Variants in USP32 observed in about 807,000 individuals in gnomAD.
The protein encoded by USP32 is ubiquitin carboxyl-terminal hydrolase 32.
In USP32, 59 loss-of-function variants were observed where a neutral mutation model predicts 204.8. The observed-to-expected ratio is 0.29, with a 90% CI of 0.23 to 0.36. USP32 has a LOEUF of 0.36. Ranked by LOEUF, USP32 falls within the 10% of genes least tolerant of loss-of-function variation. The pLI is 1.00. For synonymous variants in USP32, 517 were observed against 678.4 expected, an observed-to-expected ratio of 0.76 and a Z score of 3.70; for missense variants, 1,160 against 1,946.4, an observed-to-expected ratio of 0.60 and a Z score of 7.60.
At position 60,345,623 on chromosome 17, in the gene USP32, CA is replaced by C. The variant is rs1399920094; in HGVS notation, c.59-16del. The C allele has an allele frequency of 6.2e-7, 1 of 1,613,616 alleles. No homozygotes were observed. The highest frequency in any genetic ancestry group is 1.3e-5 in the African/African-American group (1 of 74,900). ...TACATCTGTAACTGCAATTCAGAAA[CA>C]GAAGATGGGTAAGAAATCAGGAGAG... On this transcript the variant is annotated splice_polypyrimidine_tract_variant and intron_variant, in intron 1 of 33. Transcript: ENST00000300896.
intron 9 of USP32, among the ~76,000 whole-genome samples, chr17:60,260,921 T>C (rs1158737287): frequency 6.6e-6 from 1 of 152,086 alleles, no homozygotes; most frequent in East Asian, 1.9e-4. Flanking sequence ...CCAGAAGAAC[T>C]GCAAGCTCTG....
At chr17:60,421,479 C>A (rs1216523065) in intron 1 of USP32, 2 of 985,370 alleles carry the variant, frequency 2.0e-6, no homozygotes, top group Non-Finnish European at 2.4e-6. Context: ...AGGCGAAGAA[C>A]AGGGCCACAC....
chr17:60,336,669 T>A (rs1598260935), intron 2 of USP32, among the ~76,000 whole-genome samples: 1 of 129,290 alleles, frequency 7.7e-6, no homozygotes, highest in Non-Finnish European at 1.5e-5. Context: ...TGAGCCGAGA[T>A]CCCGCCACTG....
chr17:60,271,935 C>A (rs2086733357), intron 5 of USP32, among the ~76,000 whole-genome samples: 1 of 151,944 alleles, frequency 6.6e-6, no homozygotes, highest in South Asian at 2.1e-4. Flanking sequence ...CCTCAGCCTC[C>A]CAAGTAGCTA....
intron 1 of USP32, among the ~76,000 whole-genome samples, chr17:60,386,747 T>G (rs565086382): frequency 1.3e-5 from 2 of 152,310 alleles, no homozygotes; most frequent in South Asian, 4.1e-4. Context: ...AACCAGCAAG[T>G]GATGTCCCCT....
chr17:60,359,086 T>C (rs1448611998), intron 1 of USP32, among the ~76,000 whole-genome samples: 1 of 152,210 alleles, frequency 6.6e-6, no homozygotes, highest in Non-Finnish European at 1.5e-5. Context: ...CCAATCATAC[T>C]CTGAACAATC....
At chr17:60,200,086 C>T (rs1205709497) in intron 26 of USP32, among the ~76,000 whole-genome samples, 3 of 151,940 alleles carry the variant, frequency 2.0e-5, no homozygotes, top group Admixed American at 6.6e-5. Flanking sequence ...CCCAGCTACT[C>T]GGGAGGCTGA....
intron 1 of USP32, among the ~76,000 whole-genome samples, chr17:60,375,597 T>C (rs554889204): frequency 4.8e-4 from 72 of 150,044 alleles, no homozygotes; most frequent in Non-Finnish European, 9.7e-4. Context: ...TCTGGTGTTT[T>C]GTTGTTGTTT....
intron 4 of USP32, among the ~76,000 whole-genome samples, chr17:60,292,815 C>G (rs1427273116): frequency 6.6e-6 from 1 of 151,642 alleles, no homozygotes. Flanking sequence ...TGTTACTCCT[C>G]TACTCAAAAC....
intron 11 of USP32, among the ~76,000 whole-genome samples, chr17:60,244,160 C>T (rs1016939659): frequency 1.3e-5 from 2 of 151,210 alleles, no homozygotes; most frequent in African/African-American, 2.4e-5. Flanking sequence ...CTCAGCCTCC[C>T]GAGTAGCTGG....
chr17:60,384,779 CAAAACTCCGTCCA>C (rs2089701112), intron 1 of USP32, among the ~76,000 whole-genome samples: 3 of 146,706 alleles, frequency 2.0e-5, no homozygotes, highest in African/African-American at 7.6e-5. Context: ...GCAACAAGAG[CAAAACTCCGTCCA>C]AAAAAAAAAA....
At chr17:60,287,573 C>G (rs1296302611) in intron 5 of USP32, among the ~76,000 whole-genome samples, 1 of 149,846 alleles carries the variant, frequency 6.7e-6, no homozygotes, top group Non-Finnish European at 1.5e-5. Flanking sequence ...TTTACTGAGC[C>G]AGGTAAGCAG....
intron 11 of USP32, among the ~76,000 whole-genome samples, chr17:60,242,265 C>T (rs1567796319): frequency 6.6e-6 from 1 of 152,114 alleles, no homozygotes; most frequent in Non-Finnish European, 1.5e-5. Flanking sequence ...GCTGGGACTA[C>T]TGGCCAGCTA....
intron 3 of USP32, 36 bp from the exon 4 acceptor site, chr17:60,294,837 C>T: frequency 1.4e-6 from 2 of 1,427,782 alleles, no homozygotes; most frequent in South Asian, 1.2e-5. Flanking sequence ...TTAATCTTAA[C>T]AAAGACCAAA....
intron 12 of USP32, among the ~76,000 whole-genome samples, chr17:60,234,219 T>C (rs1341394071): frequency 6.6e-6 from 1 of 151,578 alleles, no homozygotes; most frequent in Non-Finnish European, 1.5e-5. Flanking sequence ...GTTCAAGCCT[T>C]TCTCCTGCCT....
intron 2 of USP32, among the ~76,000 whole-genome samples, chr17:60,303,058 A>G (rs557895060): frequency 6.6e-6 from 1 of 152,318 alleles, no homozygotes; most frequent in East Asian, 1.9e-4. Flanking sequence ...AATATATTTA[A>G]TAACACCTGA....
intron 1 of USP32, among the ~76,000 whole-genome samples, chr17:60,354,308 C>T (rs2089019380): frequency 1.3e-5 from 2 of 152,006 alleles, no homozygotes; most frequent in African/African-American, 4.8e-5. Flanking sequence ...TTAAGACAGC[C>T]AAGGCAGGAC....
intron 1 of USP32, among the ~76,000 whole-genome samples, chr17:60,378,468 G>A (rs2146106855): frequency 6.6e-6 from 1 of 152,182 alleles, no homozygotes; most frequent in South Asian, 2.1e-4. Flanking sequence ...AGAAGTGAAA[G>A]CAGGACTCAG....
At chr17:60,263,752 A>G (rs1242588915) in intron 9 of USP32, among the ~76,000 whole-genome samples, 1 of 152,252 alleles carries the variant, frequency 6.6e-6, no homozygotes, top group East Asian at 1.9e-4. Context: ...AGAGAGGAGA[A>G]AGAAGGGGAC....
Sources: allele counts gnomAD v4.1 joint callset (sites outside exome capture counted in the v4.1 genomes callset), GRCh38; gene constraint gnomAD v4.1.1; transcripts MANE v1.5; gene names NCBI Gene and HGNC (gene_info 2026-07-23, HGNC 2026-07-21).